The following PRIM2 variants were observed in gnomAD, a reference collection of about 807,000 sequenced individuals.
PRIM2 encodes the protein DNA primase subunit 2.
A neutral mutation model predicts 67.3 loss-of-function variants in PRIM2; 39 were observed. The observed-to-expected ratio is 0.58, with a 90% CI of 0.45 to 0.76. The LOEUF (loss-of-function observed/expected upper bound fraction) is 0.76, where lower values mean the gene tolerates loss of function less well. Among genes scored for constraint, PRIM2 ranks in the 30% least tolerant of loss-of-function variants. The pLI, the probability that PRIM2 is intolerant of heterozygous loss-of-function variation, is 0.00. For synonymous variants in PRIM2, 143 were observed against 198.7 expected (o/e 0.72, Z 2.36); for missense variants, 398 against 598.7 (o/e 0.66, Z 3.50).
At chr6:57,460,223 C>T (rs1264148084) in intron 7 of PRIM2, among the ~76,000 whole-genome samples, 10 of 151,172 alleles carry the variant, frequency 6.6e-5, no homozygotes, top group African/African-American at 2.4e-4. Context: ...CTAAAAGTGG[C>T]TTGTTAGATA....
intron 8 of PRIM2, among the ~76,000 whole-genome samples, chr6:57,523,079 C>T (rs1399249510): frequency 6.6e-6 from 1 of 152,052 alleles, no homozygotes; most frequent in South Asian, 2.1e-4. Context: ...AATTGGCGAA[C>T]GTTAAGAACA....
chr6:57,605,479 A>G (rs1776544322), intron 11 of PRIM2, among the ~76,000 whole-genome samples: 1 of 151,992 alleles, frequency 6.6e-6, no homozygotes, highest in South Asian at 2.1e-4. Context: ...TCAGATTTTC[A>G]CTTTCTTCCT....
At chr6:57,232,775 A>G in the PRIM2 span, among the ~76,000 whole-genome samples, 2 of 152,172 alleles carry the variant, frequency 1.3e-5, no homozygotes, top group African/African-American at 4.8e-5. Flanking sequence ...TCTTCCCTGA[A>G]TGTTTTCTTT....
At chr6:57,302,249 G>GA in the PRIM2 span, among the ~76,000 whole-genome samples, 1 of 152,140 alleles carries the variant, frequency 6.6e-6, no homozygotes, top group Non-Finnish European at 1.5e-5. Context: ...AGTTACATTT[G>GA]AAAAAATATA....
At chr6:57,471,479 G>C (rs1773336324) in intron 7 of PRIM2, among the ~76,000 whole-genome samples, 1 of 152,016 alleles carries the variant, frequency 6.6e-6, no homozygotes, top group Non-Finnish European at 1.5e-5. Flanking sequence ...GGAGGAAGTA[G>C]AGAGTAGAGG....
At position 57,379,711 on chromosome 6, in the gene PRIM2, T is replaced by G. The variant is rs5011405; in HGVS notation, c.460-190T>G. On this transcript the variant is annotated intron_variant, in intron 5 of 13. Transcript: ENST00000615550. ...GTTGAAATTTGAAAGAATATTCAATTTAGGTTTTTTTCTGTATTTTGCCTT... is the reference window on the plus strand; with the variant it reads ...GTTGAAATTTGAAAGAATATTCAATGTAGGTTTTTTTCTGTATTTTGCCTT... 2.0e-3 allele frequency among the ~76,000 whole-genome samples: 310 copies of G among 152,236 alleles called. 1 individual carries two copies. Among genetic ancestry groups the G allele is most frequent in the African/African-American group, 6.1e-3 (254 of 41,564 alleles).
At chr6:57,581,610 C>G (rs1776084779) in intron 10 of PRIM2, among the ~76,000 whole-genome samples, 1 of 152,206 alleles carries the variant, frequency 6.6e-6, no homozygotes, top group Non-Finnish European at 1.5e-5. Flanking sequence ...TGAAAATTAT[C>G]TCCCGTAGAA....
chr6:57,595,584 G>A (rs1164460887), intron 10 of PRIM2, among the ~76,000 whole-genome samples: 1 of 152,148 alleles, frequency 6.6e-6, no homozygotes, highest in Non-Finnish European at 1.5e-5. Flanking sequence ...CCACAAGTGG[G>A]AGGTTACCAC....
upstream of PRIM2, chr6:57,315,026 G>A (rs946934124): frequency 6.6e-6 from 1 of 152,206 alleles, no homozygotes; most frequent in Non-Finnish European, 1.5e-5. Flanking sequence ...TTAATATGAT[G>A]AAAAGGCAGC....
chr6:57,478,652 A>G (rs1251131450), intron 7 of PRIM2, among the ~76,000 whole-genome samples: 2 of 152,160 alleles, frequency 1.3e-5, no homozygotes, highest in African/African-American at 4.8e-5. Context: ...TGGCCTGTGC[A>G]CTAGAATTTA....
At chr6:57,366,929 A>AT (rs1169853279) in intron 5 of PRIM2, among the ~76,000 whole-genome samples, 15 of 151,968 alleles carry the variant, frequency 9.9e-5, no homozygotes, top group Non-Finnish European at 1.3e-4. Flanking sequence ...TAAATTACCT[A>AT]TTTTTTTTCA....
intron 7 of PRIM2, among the ~76,000 whole-genome samples, chr6:57,445,396 AT>A (rs1302190246): frequency 2.0e-5 from 3 of 152,180 alleles, no homozygotes; most frequent in Non-Finnish European, 2.9e-5. Context: ...TTGTTTGTAA[AT>A]ACCTCCTTTG....
chr6:57,340,437 C>G (rs1482563667), intron 5 of PRIM2, among the ~76,000 whole-genome samples: 1 of 152,114 alleles, frequency 6.6e-6, no homozygotes, highest in East Asian at 1.9e-4. Context: ...TTCACAATAG[C>G]AAAGACTTGG....
chr6:57,238,960 A>G, the PRIM2 span, among the ~76,000 whole-genome samples: 4 of 151,804 alleles, frequency 2.6e-5, no homozygotes, highest in African/African-American at 7.3e-5. Context: ...TATATCCCAC[A>G]ATGTATTCCC....
intron 12 of PRIM2, among the ~76,000 whole-genome samples, chr6:57,623,829 A>G (rs1176559947): frequency 6.6e-6 from 1 of 151,888 alleles, no homozygotes; most frequent in Non-Finnish European, 1.5e-5. Flanking sequence ...TTTGCAATGT[A>G]TTTCTTGTTA....
At chr6:57,600,327 A>G (rs1347909898) in intron 10 of PRIM2, among the ~76,000 whole-genome samples, 48 of 131,566 alleles carry the variant, frequency 3.6e-4, no homozygotes, top group African/African-American at 6.0e-5. Context: ...GTGGAAATCC[A>G]GAGGAAGGGA....
chr6:57,553,811 T>C (rs1775453269), intron 10 of PRIM2, among the ~76,000 whole-genome samples: 1 of 152,204 alleles, frequency 6.6e-6, no homozygotes, highest in African/African-American at 2.4e-5. Flanking sequence ...TGCTTCCTTA[T>C]TCCTTGCAAA....
intron 7 of PRIM2, among the ~76,000 whole-genome samples, chr6:57,411,208 C>T (rs1771078279): frequency 6.6e-6 from 1 of 152,106 alleles, no homozygotes; most frequent in Non-Finnish European, 1.5e-5. Context: ...TCAGTAAAAG[C>T]TCCCTGAGGC....
At chr6:57,368,201 A>C (rs1307524032) in intron 5 of PRIM2, among the ~76,000 whole-genome samples, 1 of 152,084 alleles carries the variant, frequency 6.6e-6, no homozygotes, top group Non-Finnish European at 1.5e-5. Flanking sequence ...TATATATATC[A>C]TACATTTATT....
Sources: allele counts gnomAD v4.1 joint callset (sites outside exome capture counted in the v4.1 genomes callset), GRCh38; gene constraint gnomAD v4.1.1; transcripts MANE v1.5; gene names NCBI Gene and HGNC (gene_info 2026-07-23, HGNC 2026-07-21).